Variants in RPS6KA3 observed in about 807,000 individuals in gnomAD.
The protein encoded by RPS6KA3 is ribosomal protein S6 kinase A3.
RPS6KA3 carries 4 observed loss-of-function variants against 67.2 expected under a neutral mutation model. That is an observed-to-expected ratio of 0.06 (90% confidence interval 0.03 to 0.14). The LOEUF is 0.14. Ranked by LOEUF, RPS6KA3 falls within the 10% of genes least tolerant of loss-of-function variation. The pLI is 1.00. For missense variants in RPS6KA3, 204 were observed against 559.0 expected, an observed-to-expected ratio of 0.36 and a Z score of 6.40; for synonymous variants, 182 against 183.7, an observed-to-expected ratio of 0.99 and a Z score of 0.07.
chrX:20,190,883 T>A (rs942402752), intron 7 of RPS6KA3, among the ~76,000 whole-genome samples: 5 of 110,447 alleles, frequency 4.5e-5, no homozygotes, highest in South Asian at 3.8e-4. Context: ...TTTTTTTTTT[T>A]ATTATGCTTT....
At chrX:20,197,882 T>C (rs912781512) in intron 4 of RPS6KA3, among the ~76,000 whole-genome samples, 1 of 112,081 alleles carries the variant, frequency 8.9e-6, no homozygotes, top group Non-Finnish European at 1.9e-5. Flanking sequence ...TAGATTCCTC[T>C]GAAATATTTT....
intron 17 of RPS6KA3, among the ~76,000 whole-genome samples, chrX:20,167,115 G>C (rs1452318208): frequency 8.9e-6 from 1 of 111,854 alleles, no homozygotes; most frequent in African/African-American, 3.2e-5. Context: ...ATAAGCTACC[G>C]TGCCCAGCCT....
intron 15 of RPS6KA3, among the ~76,000 whole-genome samples, chrX:20,170,547 A>T (rs2148655065): frequency 9.0e-6 from 1 of 111,490 alleles, no homozygotes; most frequent in African/African-American, 3.3e-5. Context: ...AATGATGAGG[A>T]AAAAGACCTT....
At chrX:20,214,985 T>A (rs2068814419) in intron 2 of RPS6KA3, among the ~76,000 whole-genome samples, 1 of 109,595 alleles carries the variant, frequency 9.1e-6, no homozygotes, top group Non-Finnish European at 1.9e-5. Flanking sequence ...ACTACGGGCA[T>A]GTGCCACAAC....
intron 10 of RPS6KA3, among the ~76,000 whole-genome samples, chrX:20,183,304 C>T (rs925174952): frequency 9.1e-6 from 1 of 110,370 alleles, no homozygotes; most frequent in Non-Finnish European, 1.9e-5. Context: ...ACCTCCTGGG[C>T]TCAAGCGATT....
chrX:20,201,635 T>C (rs933486196), intron 4 of RPS6KA3, among the ~76,000 whole-genome samples: 1 of 111,337 alleles, frequency 9.0e-6, no homozygotes, highest in African/African-American at 3.3e-5. Context: ...AGTTTTCCCT[T>C]TTCCCCCATT....
At chrX:20,193,339 T>C (rs2068191174) in intron 7 of RPS6KA3, 148 bp downstream of exon 7, 2 of 389,433 alleles carry the variant, frequency 5.1e-6, no homozygotes, top group African/African-American at 5.2e-5. Context: ...CTGAGATTTT[T>C]AAAGTATGAA....
At position 20,167,724 on chromosome X, in the gene RPS6KA3, C is replaced by T. The variant is rs1277225078; in HGVS notation, c.1467G>A (p.Val489=). ...CTTTCATAAGTTCTGTTACTACATA[C>T]ACATACTTTCCATCATCATATACCT... The part of the protein sequence containing the change: ...LKDVYDDGKY[V]YVVTELMKGG... The change falls in exon 17 of 22, where the codon GTG becomes GTA. Residue 489 remains valine, a synonymous_variant. Coordinates refer to ENST00000379565, the MANE Select transcript of RPS6KA3 (RefSeq NM_004586.3). The T allele has an allele frequency of 3.5e-6, 4 of 1,157,960 alleles. No homozygotes were observed. The Admixed American group carries it at 8.7e-5, about 25-fold the overall frequency.
At chrX:20,160,448 A>T (rs1214281265) in intron 20 of RPS6KA3, among the ~76,000 whole-genome samples, 1 of 111,693 alleles carries the variant, frequency 9.0e-6, no homozygotes, top group Non-Finnish European at 1.9e-5. Flanking sequence ...TATTTTTTTG[A>T]GACAGTCTTG....
chrX:20,178,236 T>C (rs1054331259), intron 10 of RPS6KA3, among the ~76,000 whole-genome samples: 1 of 106,891 alleles, frequency 9.4e-6, no homozygotes, highest in Non-Finnish European at 1.9e-5. Flanking sequence ...AGGGGATATT[T>C]AATTTAACAT....
intron 20 of RPS6KA3, among the ~76,000 whole-genome samples, chrX:20,161,010 G>A (rs935698013): frequency 9.0e-6 from 1 of 111,468 alleles, no homozygotes; most frequent in African/African-American, 3.3e-5. Flanking sequence ...AAATAGAACA[G>A]AGTTGGAGAG....
At chrX:20,214,026 T>C (rs1436148694) in intron 2 of RPS6KA3, among the ~76,000 whole-genome samples, 2 of 112,045 alleles carry the variant, frequency 1.8e-5, no homozygotes, top group Non-Finnish European at 3.8e-5. Flanking sequence ...GAATTTATCA[T>C]GCACTTTTCT....
intron 4 of RPS6KA3, among the ~76,000 whole-genome samples, chrX:20,201,976 CTTTTTTTTTT>C (rs1282039865): frequency 1.2e-5 from 1 of 82,761 alleles, no homozygotes; most frequent in Non-Finnish European, 2.5e-5. Flanking sequence ...TTTCTTTTTT[CTTTTTTTTTT>C]TTTTTTTTTT....
At chrX:20,256,046 G>A (rs1277783559) in intron 1 of RPS6KA3, among the ~76,000 whole-genome samples, 1 of 104,935 alleles carries the variant, frequency 9.5e-6, no homozygotes, top group Non-Finnish European at 1.9e-5. Flanking sequence ...GGAGGCAGAG[G>A]TTGCAGTGAG....
chrX:20,262,551 C>A (rs1443149190), intron 1 of RPS6KA3, among the ~76,000 whole-genome samples: 1 of 111,765 alleles, frequency 8.9e-6, no homozygotes, highest in Non-Finnish European at 1.9e-5. Context: ...GAATCTACCC[C>A]ATTACTACAG....
chrX:20,199,819 C>G (rs893929977), intron 4 of RPS6KA3, among the ~76,000 whole-genome samples: 5 of 112,195 alleles, frequency 4.5e-5, no homozygotes, highest in African/African-American at 1.6e-4. Context: ...CAGCAATTAA[C>G]TTCATCACTG....
intron 1 of RPS6KA3, among the ~76,000 whole-genome samples, chrX:20,251,345 T>C (rs996835262): frequency 8.9e-6 from 1 of 112,812 alleles, no homozygotes; most frequent in African/African-American, 3.2e-5. Flanking sequence ...TCTTGCCATG[T>C]TGCCCAAGCC....
intron 5 of RPS6KA3, 85 bp from the exon 6 acceptor site, chrX:20,194,353 CA>C (rs2068217248): frequency 1.8e-6 from 1 of 549,193 alleles, no homozygotes; most frequent in South Asian, 2.8e-5. Flanking sequence ...AATATTTTAA[CA>C]AATTAATTAT....
intron 1 of RPS6KA3, 79 bp downstream of exon 1, chrX:20,266,485 G>T: frequency 1.2e-6 from 1 of 844,105 alleles, no homozygotes; most frequent in Non-Finnish European, 1.7e-6. Flanking sequence ...GGGCCGAGTG[G>T]CCAGCTCCGG....
Sources: gnomAD v4.1 joint callset for allele counts (sites outside exome capture counted in the v4.1 genomes callset) on GRCh38, gnomAD v4.1.1 for gene constraint, MANE v1.5 for transcripts, NCBI Gene and HGNC (gene_info 2026-07-23, HGNC 2026-07-21) for gene names.